The following OTOF variants were observed in gnomAD, a reference collection of about 807,000 sequenced individuals.
OTOF encodes otoferlin, also known as fer-1-like family member 2.
In OTOF, 218 loss-of-function variants were observed where a neutral mutation model predicts 236.8. That is an observed-to-expected ratio of 0.92 (90% CI 0.82 to 1.03). The LOEUF is 1.03. Ranked by LOEUF, OTOF falls within the 50% of genes least tolerant of loss-of-function variation. The probability of loss-of-function intolerance (pLI) is 0.00; values close to 1 mark genes in which losing one functional copy is unlikely to be tolerated. For missense variants in OTOF, 2,590 were observed against 2,694.4 expected, an observed-to-expected ratio of 0.96 and a Z score of 0.86; for synonymous variants, 1,041 against 1,072.5, an observed-to-expected ratio of 0.97 and a Z score of 0.57.
chr2:26,496,237 C>CTTTTT lies in OTOF; in HGVS notation c.766-1169_766-1165dup, dbSNP rs397939432. Reference sequence around the variant, plus strand: ...GGAGCTTACCACAAATGATTAATGGCTTTTTTTTTTTTTTCACACTGAGTC... The same window carrying CTTTTT: ...GGAGCTTACCACAAATGATTAATGGCTTTTTTTTTTTTTTTTTTTCACACTGAGTC... On this transcript the variant is annotated intron_variant, in intron 8 of 46. Coordinates refer to ENST00000272371, the MANE Select transcript of OTOF (RefSeq NM_194248.3). Among the ~76,000 whole-genome samples the CTTTTT allele has an allele frequency of 3.3e-4, 47 of 140,382 alleles. No homozygotes were observed. The South Asian group carries it at 3.4e-3, about 10-fold the overall frequency. The allele number at this position is 140,382 out of a possible 152,430, so 92.1% of individuals were successfully genotyped here. A position where few individuals can be genotyped will look rare whatever the true frequency, so the allele number is the denominator to read the frequency against.
intron 4 of OTOF, among the ~76,000 whole-genome samples, chr2:26,518,470 G>A (rs767707111): frequency 3.3e-5 from 5 of 152,252 alleles, no homozygotes; most frequent in Non-Finnish European, 5.9e-5. Context: ...TGAAGAATCA[G>A]AGCAGAGCCT....
chr2:26,535,195 G>T (rs1305007962), intron 2 of OTOF, among the ~76,000 whole-genome samples: 5 of 152,212 alleles, frequency 3.3e-5, no homozygotes, highest in Non-Finnish European at 7.3e-5. Flanking sequence ...CCTTGCAGGG[G>T]TGGTGGGAGT....
rs546726428 is a variant in OTOF at position 26,482,206 on chromosome 2, T to C, written c.1579+200A>G. 1.5e-4 allele frequency among the ~76,000 whole-genome samples: 23 copies of C among 152,006 alleles called. No individual in the cohort carries two copies. The East Asian group carries it at 4.1e-3, about 27-fold the overall frequency. ...AGCTGACAAATCCAGTCAGCTGGGC[T>C]CAGGCCAGCTCTGAGCCGACCTGAG... On this transcript the variant is annotated intron_variant, in intron 14 of 46. Coordinates refer to ENST00000272371, the MANE Select transcript of OTOF (RefSeq NM_194248.3).
chr2:26,496,814 G>T (rs1665998247), intron 8 of OTOF, among the ~76,000 whole-genome samples: 1 of 151,982 alleles, frequency 6.6e-6, no homozygotes, highest in South Asian at 2.1e-4. Context: ...ATAGCCTTGT[G>T]TTTTTCAGTT....
At chr2:26,518,125 T>C (rs183802102) in intron 4 of OTOF, among the ~76,000 whole-genome samples, 7 of 152,346 alleles carry the variant, frequency 4.6e-5, no homozygotes. Flanking sequence ...GCTGTTTCTC[T>C]TGGCCACTAC....
At chr2:26,472,679 C>T in intron 29 of OTOF, 30 bp from the exon 30 acceptor site, 1 of 1,610,518 alleles carries the variant, frequency 6.2e-7, no homozygotes, top group Non-Finnish European at 8.5e-7. Context: ...GACAGACAGG[C>T]AGAGGAAGGA....
chr2:26,484,652 G>A lies in OTOF; in HGVS notation c.1046-19C>T. On this transcript the variant is annotated intron_variant, in intron 11 of 46. Coordinates refer to ENST00000272371, the MANE Select transcript of OTOF (RefSeq NM_194248.3). ...TGGTGCTCTGCAATGATGAGGGGTG[G>A]GCACTGCACCAGACACCCCCACCCA... is the stretch of plus-strand genomic sequence containing the variant. 3 of 1,612,764 alleles carry A rather than the reference G, an allele frequency of 1.9e-6. No homozygotes were observed. The highest frequency in any genetic ancestry group is 2.5e-6 in the Non-Finnish European group (3 of 1,179,396).
At chr2:26,466,107 G>C in intron 36 of OTOF, 31 bp from the exon 37 acceptor site, 1 of 1,613,864 alleles carries the variant, frequency 6.2e-7, no homozygotes, top group Non-Finnish European at 8.5e-7. Flanking sequence ...GCCTGAGCAG[G>C]CTCCCATGCC....
In OTOF at chr2:26,463,574, G is replaced by A. The variant is rs779880067; in HGVS notation, c.5104-3C>T. ...TCCACCCACAGCTCCAGGCGGCCCT[G>A]AGGAAGAGGGTTGTGGCAGATCTCC... On this transcript the variant is annotated splice_region_variant and splice_polypyrimidine_tract_variant and intron_variant, in intron 40 of 46. Coordinates refer to ENST00000272371, the MANE Select transcript of OTOF (RefSeq NM_194248.3). 3.8e-6 allele frequency: 6 copies of A among 1,597,308 alleles called. No homozygotes were observed. In the South Asian group the frequency reaches 6.8e-5, roughly 18 times the overall value.
intron 29 of OTOF, 86 bp from the exon 30 acceptor site, chr2:26,472,735 TA>T (rs1665053565): frequency 1.4e-6 from 2 of 1,404,428 alleles, no homozygotes; most frequent in Non-Finnish European, 2.0e-6. Context: ...TGCGGAGAAC[TA>T]AAGCTGATTC....
chr2:26,473,498 T>A lies in OTOF; in HGVS notation c.3478A>T (p.Ile1160Phe). 1 of 1,613,014 alleles carries A rather than the reference T, an allele frequency of 6.2e-7. No homozygotes were observed. Among genetic ancestry groups the A allele is most frequent in the Admixed American group, 1.7e-5 (1 of 60,010 alleles). ...TGCACCCCCTTCCCTGCACACTCGA[T>A]GTCCACCCGTGGCCGGTCCACCTGG... is the stretch of plus-strand genomic sequence containing the variant. ...LAQVDRPRVDIECAGKGVQSS... is the reference protein window; with the variant it reads ...LAQVDRPRVDFECAGKGVQSS... Residue 1160 changes from isoleucine (I) to phenylalanine (F), a missense_variant, in exon 28 of 47, where the codon ATC becomes TTC. Ile to Phe is a conservative substitution (Grantham distance 21). Transcript: ENST00000272371. The surrounding 1 kb of genome is among the most constrained non-coding windows in gnomAD (Gnocchi z 7.2).
intron 30 of OTOF, among the ~76,000 whole-genome samples, chr2:26,471,390 G>A (rs1226885576): frequency 6.6e-6 from 1 of 152,206 alleles, no homozygotes; most frequent in Non-Finnish European, 1.5e-5. Context: ...GTTCCAGGCT[G>A]GCCCACGTTC....
At position 26,475,477 on chromosome 2, in the gene OTOF, A is replaced by C. The variant is rs928708843; in HGVS notation, c.3008T>G (p.Leu1003Arg). The C allele has an allele frequency of 1.6e-5, 26 of 1,612,804 alleles. No homozygotes were observed. The highest frequency in any genetic ancestry group is 2.2e-5 in the Non-Finnish European group (26 of 1,179,872). Reference sequence around the variant, plus strand: ...CAGCATCTGGTCCCAGGTGGGACACAGGGTCTCATTCAGCACCTGCAGCAT... The same window carrying C: ...CAGCATCTGGTCCCAGGTGGGACACCGGGTCTCATTCAGCACCTGCAGCAT... Reference protein sequence around the residue: ...SQCTEVLNETLCPTWDQMLVF... With the variant: ...SQCTEVLNETRCPTWDQMLVF... The change falls in exon 25 of 47, where the codon CTG becomes CGG. Residue 1003 changes from leucine to arginine, a missense_variant. By Grantham distance (102) the Leu-to-Arg change is moderately radical. This residue lies in a region of OTOF where 1,211 missense variants were observed against 1,352.8 expected (regional missense o/e 0.90). Coordinates refer to ENST00000272371, the MANE Select transcript of OTOF (RefSeq NM_194248.3).
Position 26,558,626 on chromosome 2 carries a change from G to GTGCTCCACC in OTOF, c.-56_-55insGGTGGAGCA. ...CAGGAGCAGCGGGAAGGAGCTAGCCGGTGGAGCACGGCTCACACGCCTCTC... is the reference window on the plus strand; with the variant it reads ...CAGGAGCAGCGGGAAGGAGCTAGCCGTGCTCCACCGTGGAGCACGGCTCACACGCCTCTC... On this transcript the variant is annotated 5_prime_UTR_variant, in exon 1 of 47. Transcript: ENST00000272371. 1 of 1,444,762 alleles carries GTGCTCCACC rather than the reference G, an allele frequency of 6.9e-7. No individual in the cohort carries two copies. Among genetic ancestry groups the GTGCTCCACC allele is most frequent in the Non-Finnish European group, 9.7e-7 (1 of 1,027,850 alleles). 89.5% of individuals were successfully genotyped at this position (1,444,762 alleles called of 1,614,324 possible).
intron 4 of OTOF, among the ~76,000 whole-genome samples, chr2:26,517,654 G>A (rs190280438): frequency 3.7e-4 from 57 of 152,208 alleles, no homozygotes; most frequent in African/African-American, 1.3e-3. Context: ...GGAAAATGGT[G>A]GTCTCTGGCA....
At chr2:26,548,421 C>G (rs1025949692) in intron 1 of OTOF, among the ~76,000 whole-genome samples, 3 of 152,184 alleles carry the variant, frequency 2.0e-5, no homozygotes, top group African/African-American at 7.2e-5. Context: ...TCACCACTAC[C>G]TAATTCCAGA....
rs749064361 is a variant in OTOF at position 26,470,549 on chromosome 2, A to C, written c.4023+44T>G. ...GAAAGAAGCTGGACAGGAGGGTCTG[A>C]GTGTGGAGGGGGTCACCTCCCCTCA... On this transcript the variant is annotated intron_variant, in intron 32 of 46. Coordinates refer to ENST00000272371, the MANE Select transcript of OTOF (RefSeq NM_194248.3). This position sits in a 1 kb window ranked among gnomAD's most constrained non-coding sequence, Gnocchi z 4.3. The C allele has an allele frequency of 6.3e-7, 1 of 1,595,370 alleles. No individual in the cohort carries two copies. The highest frequency in any genetic ancestry group is 8.6e-7 in the Non-Finnish European group (1 of 1,163,172).
Position 26,467,515 on chromosome 2 carries a change from G to A in OTOF, c.4091-14C>T. ...ACCCCTTCAGGCCTGGCCAGAAGCAGAAAAGGAGGTGGAGCAGAAATGAGC... is the reference window on the plus strand; with the variant it reads ...ACCCCTTCAGGCCTGGCCAGAAGCAAAAAAGGAGGTGGAGCAGAAATGAGC... On this transcript the variant is annotated splice_polypyrimidine_tract_variant and intron_variant, in intron 33 of 46. Coordinates refer to ENST00000272371, the MANE Select transcript of OTOF (RefSeq NM_194248.3). The A allele has an allele frequency of 6.2e-7, 1 of 1,612,884 alleles. No individual in the cohort carries two copies. The highest frequency in any genetic ancestry group is 8.5e-7 in the Non-Finnish European group (1 of 1,179,484).
At chr2:26,516,243 C>T (rs1028305155) in intron 5 of OTOF, among the ~76,000 whole-genome samples, 175 bp downstream of exon 5, 2 of 152,140 alleles carry the variant, frequency 1.3e-5, no homozygotes, top group Non-Finnish European at 2.9e-5. Context: ...CGGGGGTGGA[C>T]GGCTGGGTGG....
Sources: allele counts gnomAD v4.1 joint callset (sites outside exome capture counted in the v4.1 genomes callset), GRCh38; gene constraint gnomAD v4.1.1; regional missense constraint gnomAD v4.1.1; non-coding constraint Gnocchi (gnomAD v3.1); transcripts MANE v1.5; gene names NCBI Gene and HGNC (gene_info 2026-07-23, HGNC 2026-07-21).